Variants in EYS observed in about 807,000 individuals in gnomAD.
EYS encodes EGF-like photoreceptor maintenance factor.
In EYS, 250 loss-of-function variants were observed where a neutral mutation model predicts 282.1. The observed-to-expected ratio is 0.89, with a 90% CI of 0.80 to 0.98. The LOEUF (loss-of-function observed/expected upper bound fraction) is 0.98. Among genes scored for constraint, EYS ranks in the 50% least tolerant of loss-of-function variants. The pLI is 0.00. For synonymous variants in EYS, 1,355 were observed against 1,282.9 expected, an observed-to-expected ratio of 1.06 and a Z score of -1.20; for missense variants, 4,016 against 3,709.0, an observed-to-expected ratio of 1.08 and a Z score of -2.15.
At position 64,668,866 on chromosome 6, in the gene EYS, C is replaced by T. The variant is rs573385979; in HGVS notation, c.3444-42621G>A. Among the ~76,000 whole-genome samples, 118 of 152,066 alleles carry T rather than the reference C, an allele frequency of 7.8e-4. 1 individual carries two copies. The highest frequency in any genetic ancestry group is 2.3e-3 in the East Asian group (12 of 5,164). Reference sequence around the variant, plus strand: ...ACAGGTGTGAGCCACCACACCTGGCCGCTAGTACCATAATTCTTGTGAACA... The same window carrying T: ...ACAGGTGTGAGCCACCACACCTGGCTGCTAGTACCATAATTCTTGTGAACA... On this transcript the variant is annotated intron_variant, in intron 22 of 42. Transcript: ENST00000503581.
At chr6:64,315,382 T>C (rs893909968) in intron 29 of EYS, among the ~76,000 whole-genome samples, 2 of 151,746 alleles carry the variant, frequency 1.3e-5, no homozygotes, top group African/African-American at 4.8e-5. Context: ...TTGCAAACAA[T>C]GGAAAAAAAG....
chr6:64,400,375 C>A (rs1255768427), intron 28 of EYS: 2 of 152,030 alleles, frequency 1.3e-5, no homozygotes, highest in African/African-American at 2.4e-5. Flanking sequence ...GGCACATCAT[C>A]TTTTCTCATA....
intron 29 of EYS, among the ~76,000 whole-genome samples, chr6:64,335,902 C>T (rs1770834535): frequency 6.6e-6 from 1 of 152,004 alleles, no homozygotes; most frequent in Admixed American, 6.6e-5. Flanking sequence ...AGAAACAATA[C>T]AGTATTTTTC....
intron 12 of EYS, among the ~76,000 whole-genome samples, chr6:65,229,456 C>A (rs908204123): frequency 6.6e-6 from 1 of 151,144 alleles, no homozygotes; most frequent in Non-Finnish European, 1.5e-5. Flanking sequence ...CTCTTAGGAC[C>A]AAATTGGTGG....
chr6:65,349,617 A>C (rs2150324254), intron 9 of EYS, among the ~76,000 whole-genome samples: 1 of 151,592 alleles, frequency 6.6e-6, no homozygotes, highest in East Asian at 1.9e-4. Flanking sequence ...GAATGACCAA[A>C]TCTAGCTAAT....
chr6:64,113,950 T>C (rs1773293386), intron 31 of EYS, among the ~76,000 whole-genome samples: 1 of 152,202 alleles, frequency 6.6e-6, no homozygotes, highest in Non-Finnish European at 1.5e-5. Flanking sequence ...ATTTACATAT[T>C]TTCTATGGCT....
chr6:63,870,259 A>C (rs923366345), intron 35 of EYS, among the ~76,000 whole-genome samples: 8 of 152,220 alleles, frequency 5.3e-5, no homozygotes, highest in Admixed American at 5.2e-4. Flanking sequence ...CATTTCACCC[A>C]TTCCCCTGAC....
chr6:65,561,121 T>C (rs1258078929), intron 2 of EYS, among the ~76,000 whole-genome samples: 1 of 152,138 alleles, frequency 6.6e-6, no homozygotes, highest in African/African-American at 2.4e-5. Context: ...ATCAATGTTA[T>C]CTCCTGCCAA....
chr6:63,933,497 G>A (rs537174706), intron 35 of EYS, among the ~76,000 whole-genome samples: 10 of 152,284 alleles, frequency 6.6e-5, no homozygotes, highest in Admixed American at 1.3e-4. Flanking sequence ...ATGAGCCACC[G>A]CACCTGGCCT....
intron 12 of EYS, among the ~76,000 whole-genome samples, chr6:65,282,481 G>A (rs1768251178): frequency 6.6e-6 from 1 of 151,860 alleles, no homozygotes; most frequent in Non-Finnish European, 1.5e-5. Context: ...AGTTTTAAAA[G>A]TAAAACAAAA....
intron 12 of EYS, among the ~76,000 whole-genome samples, chr6:65,062,153 C>T (rs1338576042): frequency 1.3e-5 from 2 of 151,892 alleles, no homozygotes; most frequent in East Asian, 3.9e-4. Context: ...CCAGGAACTC[C>T]TGGCTTCAAT....
intron 22 of EYS, among the ~76,000 whole-genome samples, chr6:64,797,717 C>T (rs1774402065): frequency 2.6e-5 from 4 of 151,620 alleles, no homozygotes; most frequent in Non-Finnish European, 5.9e-5. Context: ...TTTTTATTTC[C>T]CGTAAATACT....
At chr6:65,026,916 C>CAAAAAAAAAAAAAAAAAAAAAAA (rs1260312589) in intron 13 of EYS, among the ~76,000 whole-genome samples, 30 of 107,846 alleles carry the variant, frequency 2.8e-4, no homozygotes, top group East Asian at 1.2e-3. Flanking sequence ...GACTCCGTCT[C>CAAAAAAAAAAAAAAAAAAAAAAA]AAAAAAAAAA....
intron 12 of EYS, among the ~76,000 whole-genome samples, chr6:65,237,829 G>C (rs552900638): frequency 6.6e-6 from 1 of 152,178 alleles, no homozygotes; most frequent in African/African-American, 2.4e-5. Flanking sequence ...TGATGTATGG[G>C]TATGCAAGAA....
chr6:64,910,884 A>T (rs566106255), intron 16 of EYS, among the ~76,000 whole-genome samples: 2 of 152,084 alleles, frequency 1.3e-5, no homozygotes, highest in Non-Finnish European at 2.9e-5. Flanking sequence ...AACAATGCCC[A>T]CTTTGCAGAA....
At chr6:65,434,540 T>C (rs1243428834) in intron 5 of EYS, among the ~76,000 whole-genome samples, 1 of 152,142 alleles carries the variant, frequency 6.6e-6, no homozygotes, top group Non-Finnish European at 1.5e-5. Context: ...CAGGACGGTT[T>C]CGATCTCCTC....
chr6:64,023,472 G>A (rs1264077448), intron 33 of EYS, among the ~76,000 whole-genome samples: 22 of 152,338 alleles, frequency 1.4e-4, no homozygotes, highest in Middle Eastern at 3.4e-3. Flanking sequence ...ATGGTAAAAT[G>A]TACACTTATA....
intron 26 of EYS, among the ~76,000 whole-genome samples, chr6:64,452,435 C>G (rs139131584): frequency 0.02 from 3,106 of 151,922 alleles, 89 homozygotes; most frequent in African/African-American, 0.063. Context: ...TATACTGCCC[C>G]AGGTAATTTA....
chr6:63,779,695 T>C (rs914724135), intron 39 of EYS, among the ~76,000 whole-genome samples: 2 of 151,942 alleles, frequency 1.3e-5, no homozygotes, highest in Non-Finnish European at 2.9e-5. Context: ...AAAGGCAAGA[T>C]TGAATTTTAT....
Sources: gnomAD v4.1 joint callset for allele counts (sites outside exome capture counted in the v4.1 genomes callset) on GRCh38, gnomAD v4.1.1 for gene constraint, MANE v1.5 for transcripts, NCBI Gene and HGNC (gene_info 2026-07-23, HGNC 2026-07-21) for gene names.